Variants in PDE1C observed in about 807,000 individuals in gnomAD.
PDE1C encodes dual specificity calcium/calmodulin-dependent 3',5'-cyclic nucleotide phosphodiesterase 1C.
A neutral mutation model predicts 93.1 loss-of-function variants in PDE1C; 62 were observed. The observed-to-expected ratio is 0.67, with a 90% CI of 0.54 to 0.82. PDE1C has a LOEUF of 0.82. Among genes scored for constraint, PDE1C ranks in the 40% least tolerant of loss-of-function variants. The pLI is 0.00. For synonymous variants in PDE1C, 325 were observed against 310.1 expected (o/e 1.05, Z -0.50); for missense variants, 742 against 884.6 (o/e 0.84, Z 2.04).
chr7:32,424,968 T>G (rs1312582124), intron 1 of PDE1C, among the ~76,000 whole-genome samples: 3 of 152,176 alleles, frequency 2.0e-5, no homozygotes, highest in Non-Finnish European at 4.4e-5. Flanking sequence ...AGTATGTCAT[T>G]TACTAGCTGT....
At chr7:32,339,734 T>A (rs766469613) in intron 1 of PDE1C, among the ~76,000 whole-genome samples, 3 of 152,006 alleles carry the variant, frequency 2.0e-5, no homozygotes, top group Non-Finnish European at 4.4e-5. Context: ...AATACAGAAC[T>A]TTCCAGCTTG....
chr7:32,066,583 C>G (rs1377162611), intron 1 of PDE1C, among the ~76,000 whole-genome samples: 1 of 152,118 alleles, frequency 6.6e-6, no homozygotes, highest in East Asian at 1.9e-4. Flanking sequence ...CATCATCTAG[C>G]AGGCTGGCAA....
the PDE1C span, among the ~76,000 whole-genome samples, chr7:31,680,396 C>T: frequency 1.7e-3 from 263 of 152,266 alleles, 1 homozygote; most frequent in African/African-American, 6.0e-3. Context: ...AGGCATCAAG[C>T]CTGTTATGGA....
chr7:31,660,200 G>A, the PDE1C span, among the ~76,000 whole-genome samples: 1 of 152,220 alleles, frequency 6.6e-6, no homozygotes, highest in East Asian at 1.9e-4. Flanking sequence ...CCCAATCTTG[G>A]CTATGTCTTT....
rs6962875 is a variant in PDE1C, at chr7:31,916,565, G to A, written c.129-35705C>T. Among the ~76,000 whole-genome samples the A allele has an allele frequency of 6.6e-3, 1,011 of 152,188 alleles. 14 individuals carry two copies. Among genetic ancestry groups the A allele is most frequent in the African/African-American group, 0.023 (937 of 41,516 alleles). On this transcript the variant is annotated intron_variant, in intron 2 of 17. Coordinates refer to ENST00000396191, the MANE Select transcript of PDE1C (RefSeq NM_001191057.4). ...ACAGATGCATTTATTCTGACCTTAC[G>A]TCATGCAAATTTACTTATCCCTGGG...
chr7:31,960,550 T>C (rs1808798256), intron 2 of PDE1C, among the ~76,000 whole-genome samples: 1 of 152,202 alleles, frequency 6.6e-6, no homozygotes. Context: ...TATTTTATCA[T>C]TGTACAGTGA....
At chr7:31,622,467 T>C in the PDE1C span, among the ~76,000 whole-genome samples, 2 of 150,224 alleles carry the variant, frequency 1.3e-5, no homozygotes. Context: ...TCAAAACTGC[T>C]CAACTACATG....
At chr7:32,341,998 T>C (rs1391440673) in intron 1 of PDE1C, among the ~76,000 whole-genome samples, 1 of 152,202 alleles carries the variant, frequency 6.6e-6, no homozygotes, top group Non-Finnish European at 1.5e-5. Flanking sequence ...GCATAGTTAG[T>C]ATCTATATAA....
At chr7:32,016,178 T>C (rs1787880491) in intron 2 of PDE1C, among the ~76,000 whole-genome samples, 1 of 152,240 alleles carries the variant, frequency 6.6e-6, no homozygotes, top group African/African-American at 2.4e-5. Context: ...AGCCCTGCTC[T>C]GCAGGAGAAG....
chr7:32,350,581 TATATATA>T (rs1562686654), intron 1 of PDE1C, among the ~76,000 whole-genome samples: 20 of 4,752 alleles, frequency 4.2e-3, no homozygotes, highest in African/African-American at 0.013. Context: ...TATATATATA[TATATATA>T]TATTTTTTTT....
chr7:31,700,359 C>A, the PDE1C span, among the ~76,000 whole-genome samples: 16 of 152,284 alleles, frequency 1.1e-4, no homozygotes, highest in South Asian at 3.1e-3. Context: ...TAATCCAGAA[C>A]AAGGTCCTTA....
the PDE1C span, among the ~76,000 whole-genome samples, chr7:31,636,038 A>G: frequency 2.6e-5 from 4 of 152,192 alleles, no homozygotes; most frequent in African/African-American, 9.6e-5. Flanking sequence ...ACTTTTTCAC[A>G]GGGCAGCAGG....
rs142445992 is a variant in PDE1C at position 32,206,165 on chromosome 7, C to T, written c.136+3324G>A. Among the ~76,000 whole-genome samples, 4 of 152,170 alleles carry T rather than the reference C, an allele frequency of 2.6e-5. No homozygotes were observed. The East Asian group carries it at 5.8e-4, about 22-fold the overall frequency. On this transcript the variant is annotated intron_variant, in intron 2 of 18. Transcript: ENST00000396193. ...ACCCCCAGAGCTTACATGGTGGCTG[C>T]TGGGGACTCTCCCACTAGCATGTAG... is the stretch of plus-strand genomic sequence containing the variant.
At chr7:31,869,030 G>A (rs1468519540) in intron 6 of PDE1C, among the ~76,000 whole-genome samples, 1 of 152,060 alleles carries the variant, frequency 6.6e-6, no homozygotes, top group African/African-American at 2.4e-5. Context: ...CAGACCTACA[G>A]TGAATGCTTA....
At chr7:32,251,059 G>A (rs939028765) in intron 1 of PDE1C, among the ~76,000 whole-genome samples, 1 of 152,186 alleles carries the variant, frequency 6.6e-6, no homozygotes, top group South Asian at 2.1e-4. Context: ...ACACATGCGA[G>A]CGTGCACAAG....
At chr7:31,864,059 A>G (rs1562938998) in intron 7 of PDE1C, among the ~76,000 whole-genome samples, 1 of 152,204 alleles carries the variant, frequency 6.6e-6, no homozygotes, top group African/African-American at 2.4e-5. Context: ...GCCAATTCTA[A>G]AGGAGATTTC....
intron 1 of PDE1C, among the ~76,000 whole-genome samples, chr7:32,387,452 C>T (rs1289275262): frequency 2.0e-5 from 3 of 151,198 alleles, no homozygotes; most frequent in South Asian, 2.1e-4. Context: ...TAGGGGCGGC[C>T]GGGCAGAAGC....
At chr7:31,817,432 GCAGGGTT>G (rs991358567) in intron 14 of PDE1C, among the ~76,000 whole-genome samples, 2 of 152,140 alleles carry the variant, frequency 1.3e-5, no homozygotes, top group Non-Finnish European at 2.9e-5. Flanking sequence ...CCAAGGACAA[GCAGGGTT>G]CAGATCATGC....
At chr7:31,631,186 T>TA in the PDE1C span, among the ~76,000 whole-genome samples, 11 of 151,272 alleles carry the variant, frequency 7.3e-5, no homozygotes, top group East Asian at 1.9e-4. Flanking sequence ...GAAGAGCAGA[T>TA]AAAAAAAAAG....
Sources: gnomAD v4.1 joint callset for allele counts (sites outside exome capture counted in the v4.1 genomes callset) on GRCh38, gnomAD v4.1.1 for gene constraint, MANE v1.5 for transcripts, NCBI Gene and HGNC (gene_info 2026-07-23, HGNC 2026-07-21) for gene names.